Variants in BICRA observed in about 807,000 individuals in gnomAD.
BICRA encodes the protein BRD4 interacting chromatin remodeling complex associated protein, also known as BRD4-interacting chromatin-remodeling complex-associated protein.
A neutral mutation model predicts 96.9 loss-of-function variants in BICRA; 31 were observed. The observed-to-expected ratio is 0.32, with a 90% CI of 0.24 to 0.43. The LOEUF is 0.43. BICRA is among the 20% of genes least tolerant of loss of function. The probability of loss-of-function intolerance (pLI) is 1.00; values close to 1 mark genes in which losing one functional copy is unlikely to be tolerated. For missense variants in BICRA, 2,283 were observed against 2,190.3 expected (o/e 1.04, Z -0.84); for synonymous variants, 1,350 against 1,071.8 (o/e 1.26, Z -5.07).
At chr19:47,640,895 A>ATTTTT (rs35232398) in intron 1 of BICRA, among the ~76,000 whole-genome samples, 4 of 95,222 alleles carry the variant, frequency 4.2e-5, no homozygotes, top group Non-Finnish European at 5.8e-5. Flanking sequence ...TCAGAGTCAG[A>ATTTTT]TTTTTTTTTT....
chr19:47,679,930 G>C lies in BICRA; in HGVS notation c.760G>C (p.Ala254Pro). 6.6e-7 allele frequency: 1 copy of C among 1,514,680 alleles called. No individual in the cohort carries two copies. Among genetic ancestry groups the C allele is most frequent in the Non-Finnish European group, 8.8e-7 (1 of 1,138,172 alleles). 93.8% of individuals were successfully genotyped at this position (1,514,680 alleles called of 1,614,324 possible). Reference sequence around the variant, plus strand: ...CAACACGCCCACCTCCCAGCTCCTGGCCAAGCAGGTGCCCGTCAGCGGCTA... The same window carrying C: ...CAACACGCCCACCTCCCAGCTCCTGCCCAAGCAGGTGCCCGTCAGCGGCTA... The part of the protein sequence containing the change: ...ALNTPTSQLL[A>P]KQVPVSGYLA... Residue 254 changes from alanine to proline, a missense_variant, in exon 6 of 15, where the codon GCC becomes CCC. By Grantham distance (27) the Ala-to-Pro change is conservative. Transcript: ENST00000594866.
intron 7 of BICRA, among the ~76,000 whole-genome samples, chr19:47,689,302 C>T (rs765492423): frequency 6.6e-6 from 1 of 151,990 alleles, no homozygotes; most frequent in Non-Finnish European, 1.5e-5. Context: ...CAGGGTCTTG[C>T]TCTGTTGCCC....
rs1973027076 is a variant in BICRA at position 47,680,554 on chromosome 19, G to A, written c.1384G>A (p.Ala462Thr). The A allele has an allele frequency of 3.8e-6, 6 of 1,587,096 alleles. No individual in the cohort carries two copies. Among genetic ancestry groups the A allele is most frequent in the Non-Finnish European group, 5.1e-6 (6 of 1,168,168 alleles). Residue 462 changes from alanine to threonine, a missense_variant, in exon 6 of 15, where the codon GCC becomes ACC. By Grantham distance (58) the Ala-to-Thr change is moderately conservative (BLOSUM62 0). Transcript: ENST00000594866. ...LNQGSSIVIP[A>T]QHMLPGQNQF... ...CCAAGGCAGCAGCATCGTCATCCCC[G>A]CCCAGCACATGCTGCCGGGCCAGAA...
intron 10 of BICRA, among the ~76,000 whole-genome samples, chr19:47,695,910 A>AC (rs58656841): frequency 6.6e-6 from 1 of 152,150 alleles, no homozygotes; most frequent in East Asian, 1.9e-4. Context: ...GGCCGAGGCC[A>AC]CTTGTAGATG....
In BICRA at chr19:47,673,632, C is replaced by T. The variant is rs1568566167; in HGVS notation, c.41+17C>T. The stretch of plus-strand genomic sequence containing the variant: ...CGTGATTTGGTGAGTAACGGGCTCC[C>T]CACCCCCTGCCCTCTGTCTCAACCC... On this transcript the variant is annotated intron_variant, in intron 3 of 14. Transcript: ENST00000594866. The T allele has an allele frequency of 1.9e-6, 3 of 1,597,454 alleles. No homozygotes were observed. Among genetic ancestry groups the T allele is most frequent in the Admixed American group, 3.3e-5 (2 of 59,998 alleles).
chr19:47,675,722 C>G lies in BICRA; in HGVS notation c.85-129C>G. On this transcript the variant is annotated intron_variant, in intron 4 of 14. Transcript: ENST00000594866. The surrounding 1 kb of genome is among the most constrained non-coding windows in gnomAD (Gnocchi z 4.7). ...CCTCTTTTCGGAGGCGAGAGTTTCCCATACCCCCAGCCCTCTCCCATCCCA... is the reference window on the plus strand; with the variant it reads ...CCTCTTTTCGGAGGCGAGAGTTTCCGATACCCCCAGCCCTCTCCCATCCCA... The G allele has an allele frequency of 4.0e-6, 3 of 743,710 alleles. 1 individual carries two copies. Among genetic ancestry groups the G allele is most frequent in the African/African-American group, 1.7e-5 (1 of 57,186 alleles). The allele number at this position is 743,710 out of a possible 1,614,324, so 46.1% of individuals were successfully genotyped here.
At chr19:47,664,783 C>T (rs926795817) in intron 1 of BICRA, among the ~76,000 whole-genome samples, 2 of 152,194 alleles carry the variant, frequency 1.3e-5, no homozygotes. Context: ...GTGGCTCTGG[C>T]CACATGTCCG....
Position 47,695,428 on chromosome 19 carries a change from T to C in BICRA, c.3140T>C (p.Val1047Ala), listed in dbSNP as rs775361859. The change falls in exon 10 of 15, where the codon GTG becomes GCG. Residue 1047 changes from valine (V) to alanine (A), a missense_variant. Physicochemically the swap from Val to Ala is moderately conservative, Grantham distance 64. Coordinates refer to ENST00000594866, the MANE Select transcript of BICRA (RefSeq NM_001394372.1). The part of the protein sequence containing the change: ...AFASNLPTLN[V>A]AKAASSGPGK... Reference sequence around the variant, plus strand: ...GCCAGCAACCTCCCGACCCTGAATGTGGCCAAGGCCGCTTCCTCCGGGCCA... The same window carrying C: ...GCCAGCAACCTCCCGACCCTGAATGCGGCCAAGGCCGCTTCCTCCGGGCCA... 43 of 1,583,118 alleles carry C rather than the reference T, an allele frequency of 2.7e-5. No individual in the cohort carries two copies. Among genetic ancestry groups the C allele is most frequent in the Non-Finnish European group, 3.7e-5 (43 of 1,163,584 alleles).
At chr19:47,700,856 A>T (rs1242798343) in intron 14 of BICRA, 1 of 158,376 alleles carries the variant, frequency 6.3e-6, no homozygotes, top group Non-Finnish European at 1.4e-5. Context: ...TTGAAATTAG[A>T]TACCTCCTTA....
chr19:47,645,830 C>T, intron 1 of BICRA, among the ~76,000 whole-genome samples: 1 of 152,220 alleles, frequency 6.6e-6, no homozygotes, highest in East Asian at 1.9e-4. Context: ...GGTGCAGTGG[C>T]TCACGCCTGT....
intron 7 of BICRA, among the ~76,000 whole-genome samples, chr19:47,688,500 A>T (rs1011581950): frequency 1.4e-4 from 22 of 151,916 alleles, no homozygotes; most frequent in African/African-American, 2.9e-4. Context: ...GTAAAAAAAA[A>T]TTTTTTCTGG....
In BICRA at chr19:47,659,969, A is replaced by G. The variant is rs549052975; in HGVS notation, c.-107-10474A>G. ...TCTCACTGTGTTGCCCAGGCTACAT[A>G]TATATCTTCTATACTCTGTACGTAT... On this transcript the variant is annotated intron_variant, in intron 1 of 14. Transcript: ENST00000594866. Among the ~76,000 whole-genome samples the G allele has an allele frequency of 1.2e-4, 19 of 152,212 alleles. No homozygotes were observed. In the South Asian group the frequency reaches 3.9e-3, roughly 32 times the overall value.
At chr19:47,626,894 G>A (rs1194296331) in intron 1 of BICRA, among the ~76,000 whole-genome samples, 1 of 151,666 alleles carries the variant, frequency 6.6e-6, no homozygotes, top group Non-Finnish European at 1.5e-5. Flanking sequence ...GCTAATTTTT[G>A]TATTTTTAGT....
At chr19:47,611,995 C>G (rs369217584) in intron 1 of BICRA, among the ~76,000 whole-genome samples, 2 of 151,982 alleles carry the variant, frequency 1.3e-5, no homozygotes, top group East Asian at 3.9e-4. Context: ...CTCAGCGTCC[C>G]GAGTAGCTGG....
rs1380751074 is a variant in BICRA at position 47,694,743 on chromosome 19, A to T, written c.2895+17A>T. The T allele has an allele frequency of 7.7e-7, 1 of 1,298,112 alleles. No homozygotes were observed. Among genetic ancestry groups the T allele is most frequent in the Non-Finnish European group, 1.1e-6 (1 of 921,244 alleles). The allele number at this position is 1,298,112 out of a possible 1,614,324, so 80.4% of individuals were successfully genotyped here. A position where few individuals can be genotyped will look rare whatever the true frequency, so the allele number is the denominator to read the frequency against. On this transcript the variant is annotated intron_variant, in intron 8 of 14. Coordinates refer to ENST00000594866, the MANE Select transcript of BICRA (RefSeq NM_001394372.1). Reference sequence around the variant, plus strand: ...TTTCACCAGGTAACGGGAGGCAGGGACTGCCCGCCCCATCAGCCCCATCCC... The same window carrying T: ...TTTCACCAGGTAACGGGAGGCAGGGTCTGCCCGCCCCATCAGCCCCATCCC...
rs1021363014 is a variant in BICRA at position 47,625,451 on chromosome 19, CTT to C, written c.-108+16285_-108+16286del. Among the ~76,000 whole-genome samples, 22 of 152,254 alleles carry C rather than the reference CTT, an allele frequency of 1.4e-4. No individual in the cohort carries two copies. The East Asian group carries it at 2.3e-3, about 16-fold the overall frequency. On this transcript the variant is annotated intron_variant, in intron 1 of 14. Transcript: ENST00000594866. ...CCCTCCTCGGGGAAGCCCTCTTTGA[CTT>C]TCTCGTCCAATTTCCTTCACTTCAC...
In BICRA at chr19:47,645,823, G is replaced by A. The variant is rs147356690; in HGVS notation, c.-107-24620G>A. On this transcript the variant is annotated intron_variant, in intron 1 of 14. Coordinates refer to ENST00000594866, the MANE Select transcript of BICRA (RefSeq NM_001394372.1). ...AGAGCTGAAGACTGAGATTCCAGGT[G>A]CAGTGGCTCACGCCTGTAATCCCAG... 3.8e-3 allele frequency among the ~76,000 whole-genome samples: 579 copies of A among 152,314 alleles called. 1 individual carries two copies. Among genetic ancestry groups the A allele is most frequent in the Non-Finnish European group, 4.0e-3 (270 of 68,032 alleles).
chr19:47,658,234 T>C (rs1972650247), intron 1 of BICRA, among the ~76,000 whole-genome samples: 1 of 152,142 alleles, frequency 6.6e-6, no homozygotes, highest in East Asian at 1.9e-4. Context: ...ATGTTGGGGC[T>C]GGAAGTGTTT....
At chr19:47,656,108 A>ACACACACACACACG in intron 1 of BICRA, among the ~76,000 whole-genome samples, 1 of 128,942 alleles carries the variant, frequency 7.8e-6, no homozygotes, top group Non-Finnish European at 1.6e-5. Context: ...ACACACACAC[A>ACACACACACACACG]CACTCTGAAT....
Sources: gnomAD v4.1 joint callset for allele counts (sites outside exome capture counted in the v4.1 genomes callset) on GRCh38, gnomAD v4.1.1 for gene constraint, Gnocchi (gnomAD v3.1) non-coding constraint, MANE v1.5 for transcripts, NCBI Gene and HGNC (gene_info 2026-07-23, HGNC 2026-07-21) for gene names.